Variants in IL1R2 observed in about 807,000 individuals in gnomAD.
IL1R2 encodes interleukin 1 receptor type 2, also known as interleukin-1 receptor type 2.
A neutral mutation model predicts 39.5 loss-of-function variants in IL1R2; 46 were observed. The ratio of observed to expected loss-of-function variants is 1.16; its 90% CI spans 0.92 to 1.49. IL1R2 has a LOEUF of 1.49. Among genes scored for constraint, IL1R2 ranks in the 40% most tolerant of loss-of-function variants. IL1R2 has a pLI of 0.00. For synonymous variants in IL1R2, 207 were observed against 189.6 expected (o/e 1.09, Z -0.75); for missense variants, 537 against 502.0 (o/e 1.07, Z -0.67).
intron 1 of IL1R2, among the ~76,000 whole-genome samples, chr2:101,993,070 C>T (rs1021388344): frequency 3.9e-5 from 6 of 152,218 alleles, no homozygotes; most frequent in African/African-American, 7.2e-5. Flanking sequence ...CCGTTTCTAC[C>T]GCATGAGGCT....
chr2:102,010,081 A>C, intron 3 of IL1R2: 2 of 506,430 alleles, frequency 3.9e-6, no homozygotes, highest in Non-Finnish European at 3.5e-6. Flanking sequence ...GCCCTCTGTC[A>C]CTCTCTCCTT....
Position 102,028,356 on chromosome 2 carries a change from G to A in IL1R2, c.1161G>A (p.Trp387Ter), listed in dbSNP as rs577035983. The change falls in exon 9 of 9, where the codon TGG (tryptophan) becomes TGA (stop). Residue 387 changes from tryptophan to a stop codon, truncating the protein, a stop_gained. Transcript: ENST00000332549. LOFTEE classifies it low-confidence loss of function (END_TRUNC). Reference sequence around the variant, plus strand: ...AAGCAGATGGTCTGACTGTGCTATGGCCTCATCATCAAGACTTTCAATCCT... The same window carrying A: ...AAGCAGATGGTCTGACTGTGCTATGACCTCATCATCAAGACTTTCAATCCT... The part of the protein sequence containing the change: ...TGKADGLTVL[W>*]PHHQDFQSYP... 64 of 1,605,616 alleles carry A rather than the reference G, an allele frequency of 4.0e-5. No homozygotes were observed. The South Asian group carries it at 7.0e-4, about 17-fold the overall frequency.
intron 5 of IL1R2, among the ~76,000 whole-genome samples, chr2:102,021,616 C>T (rs1474116602): frequency 6.6e-6 from 1 of 152,200 alleles, no homozygotes; most frequent in African/African-American, 2.4e-5. Context: ...ACCCGGCCAC[C>T]TCCTTTCTTT....
At chr2:101,997,402 A>G (rs1342369567) in intron 1 of IL1R2, among the ~76,000 whole-genome samples, 1 of 152,206 alleles carries the variant, frequency 6.6e-6, no homozygotes, top group Non-Finnish European at 1.5e-5. Flanking sequence ...AAAAGATGCT[A>G]CAGCACCTGT....
chr2:102,018,407 T>G (rs1003242787), intron 4 of IL1R2, among the ~76,000 whole-genome samples: 1 of 152,230 alleles, frequency 6.6e-6, no homozygotes, highest in African/African-American at 2.4e-5. Context: ...TCGAACCTGT[T>G]TCCTCTGTAA....
chr2:102,002,792 G>GTTTATATCTATATCTATGTCTATATCTA (rs1559412988), intron 1 of IL1R2, among the ~76,000 whole-genome samples: 3 of 1,320 alleles, frequency 2.3e-3, no homozygotes, highest in Admixed American at 0.017. Flanking sequence ...ATCTATATCT[G>GTTTATATCTATATCTATGTCTATATCTA]TATCTATATC....
At position 102,005,233 on chromosome 2, in the gene IL1R2, A is replaced by G. The variant is rs1676189443; in HGVS notation, c.-61-3282A>G. On this transcript the variant is annotated intron_variant, in intron 1 of 8. Coordinates refer to ENST00000332549, the MANE Select transcript of IL1R2 (RefSeq NM_004633.4). ...AGCCTGACCCTGAGAGAATGTGAGC[A>G]TGGTGGGGCCCTTTCATTTGAGGGG... Among the ~76,000 whole-genome samples the G allele has an allele frequency of 1.3e-5, 2 of 152,150 alleles. 1 individual carries two copies. The highest frequency in any genetic ancestry group is 4.1e-4 in the South Asian group (2 of 4,822).
intron 4 of IL1R2, among the ~76,000 whole-genome samples, chr2:102,016,836 G>C (rs1170901601): frequency 6.6e-6 from 1 of 152,172 alleles, no homozygotes; most frequent in Non-Finnish European, 1.5e-5. Flanking sequence ...TTACGCATCT[G>C]TGTTTTGGCA....
At chr2:102,019,504 C>T (rs751766393) in intron 4 of IL1R2, 134 bp from the exon 5 acceptor site, 39 of 657,430 alleles carry the variant, frequency 5.9e-5, no homozygotes, top group Non-Finnish European at 9.4e-5. Flanking sequence ...GCCCAAAGTA[C>T]AAAATTGGCA....
chr2:102,005,756 A>G (rs1676222167), intron 1 of IL1R2, among the ~76,000 whole-genome samples: 1 of 152,228 alleles, frequency 6.6e-6, no homozygotes, highest in African/African-American at 2.4e-5. Context: ...ATGTCTGTGT[A>G]TAGAGGGCCA....
At position 102,026,108 on chromosome 2, in the gene IL1R2, C is replaced by T; in HGVS notation, c.888-3C>T. On this transcript the variant is annotated splice_region_variant and splice_polypyrimidine_tract_variant and intron_variant, in intron 7 of 8. Coordinates refer to ENST00000332549, the MANE Select transcript of IL1R2 (RefSeq NM_004633.4). ...TAATTAAGTGAATGTTTTTTTAACT[C>T]AGGGAATATTCAGAAAATAATGAGA... 1.3e-6 allele frequency: 2 copies of T among 1,591,022 alleles called. No homozygotes were observed. Among genetic ancestry groups the T allele is most frequent in the Non-Finnish European group, 1.7e-6 (2 of 1,166,886 alleles).
chr2:102,019,865 C>A, intron 5 of IL1R2, 53 bp downstream of exon 5: 1 of 1,477,526 alleles, frequency 6.8e-7, no homozygotes, highest in Non-Finnish European at 9.3e-7. Flanking sequence ...AACAAGCATG[C>A]AGAGAACAAA....
At chr2:102,022,572 G>A (rs1677471340) in intron 6 of IL1R2, among the ~76,000 whole-genome samples, 1 of 152,226 alleles carries the variant, frequency 6.6e-6, no homozygotes, top group Non-Finnish European at 1.5e-5. Flanking sequence ...TGAACAGCAT[G>A]AACCCCAGGC....
intron 1 of IL1R2, among the ~76,000 whole-genome samples, chr2:102,004,933 G>C (rs1242493669): frequency 2.0e-5 from 3 of 152,220 alleles, no homozygotes; most frequent in Non-Finnish European, 2.9e-5. Flanking sequence ...AGCAGTTACT[G>C]GAGGAGGACA....
At chr2:102,002,978 G>C (rs1675996317) in intron 1 of IL1R2, among the ~76,000 whole-genome samples, 1 of 151,028 alleles carries the variant, frequency 6.6e-6, no homozygotes. Context: ...GTTTGTGTCT[G>C]TGTCTGTGTC....
At chr2:101,992,340 C>G (rs1003324418) in intron 1 of IL1R2, among the ~76,000 whole-genome samples, 3 of 125,450 alleles carry the variant, frequency 2.4e-5, no homozygotes, top group Admixed American at 7.7e-5. Flanking sequence ...GGCAGGGAGA[C>G]AGAGAGAGAC....
chr2:102,000,553 A>G (rs1675804869), intron 1 of IL1R2, among the ~76,000 whole-genome samples: 1 of 152,230 alleles, frequency 6.6e-6, no homozygotes, highest in African/African-American at 2.4e-5. Context: ...CTAATTATGG[A>G]TACTTCCCAA....
intron 3 of IL1R2, among the ~76,000 whole-genome samples, chr2:102,013,750 TCA>T (rs1448915565): frequency 6.6e-6 from 1 of 152,100 alleles, no homozygotes; most frequent in Non-Finnish European, 1.5e-5. Context: ...GAAGGAGCAG[TCA>T]CAGTCACTAT....
intron 1 of IL1R2, among the ~76,000 whole-genome samples, chr2:102,004,383 C>T (rs1413969282): frequency 6.6e-6 from 1 of 151,864 alleles, no homozygotes; most frequent in African/African-American, 2.4e-5. Context: ...CATTCTTTTT[C>T]CTTCCTTTCA....
Sources: allele counts gnomAD v4.1 joint callset (sites outside exome capture counted in the v4.1 genomes callset), GRCh38; gene constraint gnomAD v4.1.1; transcripts MANE v1.5; gene names NCBI Gene and HGNC (gene_info 2026-07-23, HGNC 2026-07-21).